Variants in IL1RAP observed in about 807,000 individuals in gnomAD.
IL1RAP encodes interleukin 1 receptor accessory protein.
IL1RAP carries 35 observed loss-of-function variants against 60.7 expected under a neutral mutation model. That is an observed-to-expected ratio of 0.58 (90% CI 0.44 to 0.76). The LOEUF is 0.76. Among genes scored for constraint, IL1RAP ranks in the 30% least tolerant of loss-of-function variants. The pLI, the probability that IL1RAP is intolerant of heterozygous loss-of-function variation, is 0.00. For synonymous variants in IL1RAP, 268 were observed against 250.9 expected (o/e 1.07, Z -0.64); for missense variants, 572 against 693.9 (o/e 0.82, Z 1.97).
At position 190,602,897 on chromosome 3, in the gene IL1RAP, G is replaced by A. The variant is rs140708532; in HGVS notation, c.65-1231G>A. ...CTTTAAGGTGATGGTTTTGTGGTCCGCAGGACTCCATCACCCTGACCTCTG... is the reference window on the plus strand; with the variant it reads ...CTTTAAGGTGATGGTTTTGTGGTCCACAGGACTCCATCACCCTGACCTCTG... On this transcript the variant is annotated intron_variant, in intron 3 of 11. Coordinates refer to ENST00000447382, the MANE Select transcript of IL1RAP (RefSeq NM_002182.4). 7.7e-3 allele frequency among the ~76,000 whole-genome samples: 1,176 copies of A among 152,210 alleles called. 24 individuals are homozygous for A. Among genetic ancestry groups the A allele is most frequent in the African/African-American group, 0.027 (1,125 of 41,518 alleles).
chr3:190,544,610 A>T (rs1429607112), intron 1 of IL1RAP, among the ~76,000 whole-genome samples: 1 of 152,134 alleles, frequency 6.6e-6, no homozygotes, highest in Admixed American at 6.5e-5. Context: ...GGGCCCTTAC[A>T]CAGTCAAACT....
chr3:190,547,104 T>C (rs1323784828), intron 1 of IL1RAP, among the ~76,000 whole-genome samples: 1 of 152,216 alleles, frequency 6.6e-6, no homozygotes, highest in Non-Finnish European at 1.5e-5. Context: ...GTGGTAAAGA[T>C]AAGGCATACT....
chr3:190,629,881 A>G, intron 9 of IL1RAP: 1 of 982,740 alleles, frequency 1.0e-6, no homozygotes, highest in Non-Finnish European at 1.2e-6. Flanking sequence ...AAAATCATTC[A>G]TGGTAGACTT....
intron 7 of IL1RAP, chr3:190,625,081 G>A (rs1311488583): frequency 1.3e-5 from 2 of 153,668 alleles, no homozygotes; most frequent in Non-Finnish European, 2.9e-5. Flanking sequence ...AGTTTAACCT[G>A]GATGTGGAAC....
chr3:190,627,325 G>A lies in IL1RAP; in HGVS notation c.778G>A (p.Glu260Lys), dbSNP rs1182534655. Reference sequence around the variant, plus strand: ...GTTTTTTTGGTTTTTTTTTTCAGGAGAGGAGCTACTCATTCCCTGTACGGT... The same window carrying A: ...GTTTTTTTGGTTTTTTTTTTCAGGAAAGGAGCTACTCATTCCCTGTACGGT... Reference protein sequence around the residue: ...DHVVYEKEPGEELLIPCTVYF... With the variant: ...DHVVYEKEPGKELLIPCTVYF... The change falls in exon 8 of 12, where the codon GAG (glutamate) becomes AAG (lysine). Residue 260 changes from glutamate to lysine, a missense_variant and splice_region_variant. Glu to Lys is a moderately conservative substitution (Grantham distance 56). Transcript: ENST00000447382. 6.4e-7 allele frequency: 1 copy of A among 1,564,730 alleles called. No homozygotes were observed. Among genetic ancestry groups the A allele is most frequent in the South Asian group, 1.2e-5 (1 of 84,546 alleles).
At chr3:190,657,443 G>T (rs559868128) in exon 12 of IL1RAP, 1 of 152,202 alleles carries the variant, frequency 6.6e-6, no homozygotes, top group Non-Finnish European at 1.5e-5. Context: ...TTTTAGAACT[G>T]ACAGATGAAA....
At chr3:190,641,233 G>A (rs997642351) in intron 9 of IL1RAP, among the ~76,000 whole-genome samples, 11 of 152,188 alleles carry the variant, frequency 7.2e-5, no homozygotes, top group Non-Finnish European at 1.0e-4. Context: ...CCAAAGTGTT[G>A]GGGTTACAGG....
intron 11 of IL1RAP, among the ~76,000 whole-genome samples, chr3:190,647,795 T>C (rs375301335): frequency 6.6e-6 from 1 of 152,310 alleles, no homozygotes; most frequent in South Asian, 2.1e-4. Flanking sequence ...TATCCAACAA[T>C]AGAGAGGGAC....
At chr3:190,627,129 C>T (rs555832275) in intron 7 of IL1RAP, among the ~76,000 whole-genome samples, 194 bp from the exon 8 acceptor site, 1 of 151,950 alleles carries the variant, frequency 6.6e-6, no homozygotes, top group East Asian at 1.9e-4. Context: ...TTATGGGAGT[C>T]GACTAGAGAA....
chr3:190,549,425 ACAGT>A (rs151073546), intron 1 of IL1RAP, among the ~76,000 whole-genome samples: 6,474 of 152,218 alleles, frequency 0.043, 434 homozygotes, highest in African/African-American at 0.14. Context: ...GGGAAAAATG[ACAGT>A]CAGAGCTCCC....
intron 9 of IL1RAP, among the ~76,000 whole-genome samples, chr3:190,640,934 AT>A (rs1326620298): frequency 6.6e-6 from 1 of 152,174 alleles, no homozygotes; most frequent in Non-Finnish European, 1.5e-5. Flanking sequence ...GTACTACATC[AT>A]GTCTTTCTGA....
intron 1 of IL1RAP, among the ~76,000 whole-genome samples, chr3:190,514,675 GA>G (rs1232889963): frequency 2.6e-5 from 4 of 152,310 alleles, no homozygotes; most frequent in African/African-American, 9.6e-5. Flanking sequence ...GACAGCCTGG[GA>G]AAATGCTGCT....
chr3:190,651,868 A>T (rs985523417), downstream of IL1RAP, among the ~76,000 whole-genome samples: 1 of 152,144 alleles, frequency 6.6e-6, no homozygotes, highest in Non-Finnish European at 1.5e-5. Flanking sequence ...GAGACAGAGA[A>T]AAAGGAGAGA....
At chr3:190,600,420 T>C (rs1265406733) in intron 3 of IL1RAP, among the ~76,000 whole-genome samples, 1 of 152,204 alleles carries the variant, frequency 6.6e-6, no homozygotes, top group East Asian at 1.9e-4. Context: ...TCTTTTACCA[T>C]TCTTCCCATA....
chr3:190,621,426 T>C (rs1185323082), intron 6 of IL1RAP, among the ~76,000 whole-genome samples: 1 of 152,314 alleles, frequency 6.6e-6, no homozygotes, highest in East Asian at 1.9e-4. Flanking sequence ...GATTAATTCA[T>C]AAGAAAAAAA....
In IL1RAP at chr3:190,609,029, T is replaced by G; in HGVS notation, c.385T>G (p.Leu129Val). The change falls in exon 5 of 12, where the codon TTG becomes GTG. Residue 129 changes from leucine (L) to valine (V), a missense_variant. Transcript: ENST00000447382. ...ATATTGCAGCAAAGTTGCATTTCCC[T>G]TGGAAGTTGTTCAAAAAGACAGCTG... Reference protein sequence around the residue: ...TTYCSKVAFPLEVVQKDSCFN... With the variant: ...TTYCSKVAFPVEVVQKDSCFN... 1 of 1,613,380 alleles carries G rather than the reference T, an allele frequency of 6.2e-7. No individual in the cohort carries two copies. The highest frequency in any genetic ancestry group is 1.3e-5 in the African/African-American group (1 of 74,976).
In IL1RAP at chr3:190,651,210, C is replaced by A; in HGVS notation, c.*2505C>A. 1 of 980,512 alleles carries A rather than the reference C, an allele frequency of 1.0e-6. No individual in the cohort carries two copies. The highest frequency in any genetic ancestry group is 1.2e-6 in the Non-Finnish European group (1 of 825,650). 60.7% of individuals were successfully genotyped at this position (980,512 alleles called of 1,614,324 possible). A position where few individuals can be genotyped will look rare whatever the true frequency, so the allele number is the denominator to read the frequency against. On this transcript the variant is annotated 3_prime_UTR_variant, in exon 12 of 12. Transcript: ENST00000447382. ...TGGTTTTAAATATATGCTATAGGGA[C>A]GTTCCATGCCCAGGTTAACAAAGAA...
chr3:190,597,598 A>G lies in IL1RAP; in HGVS notation c.65-6530A>G, dbSNP rs560389222. Among the ~76,000 whole-genome samples the G allele has an allele frequency of 1.4e-4, 22 of 152,288 alleles. No individual in the cohort carries two copies. The South Asian group carries it at 2.1e-3, about 14-fold the overall frequency. Reference sequence around the variant, plus strand: ...TTCAGGCTCTACAGCATTTCTGCCCACATTTCACTGGCCAGAGGAAATTCA... The same window carrying G: ...TTCAGGCTCTACAGCATTTCTGCCCGCATTTCACTGGCCAGAGGAAATTCA... On this transcript the variant is annotated intron_variant, in intron 3 of 11. Transcript: ENST00000447382.
At chr3:190,645,424 T>C (rs1733944962) in intron 10 of IL1RAP, among the ~76,000 whole-genome samples, 2 of 152,218 alleles carry the variant, frequency 1.3e-5, no homozygotes, top group South Asian at 4.1e-4. Flanking sequence ...ATGATTTACC[T>C]TCTGGCTTTG....
Sources: gnomAD v4.1 joint callset for allele counts (sites outside exome capture counted in the v4.1 genomes callset) on GRCh38, gnomAD v4.1.1 for gene constraint, MANE v1.5 for transcripts, NCBI Gene and HGNC (gene_info 2026-07-23, HGNC 2026-07-21) for gene names.